Variants in SLC39A8 observed in about 807,000 individuals in gnomAD.
SLC39A8 encodes solute carrier family 39 member 8, also known as metal cation symporter ZIP8.
SLC39A8 carries 15 observed loss-of-function variants against 40.4 expected under a neutral mutation model. The ratio of observed to expected loss-of-function variants is 0.37; its 90% CI spans 0.25 to 0.57. The LOEUF (loss-of-function observed/expected upper bound fraction) is 0.57, where lower values mean the gene tolerates loss of function less well. SLC39A8 is among the 20% of genes least tolerant of loss of function. The pLI, the probability that SLC39A8 is intolerant of heterozygous loss-of-function variation, is 0.75. For missense variants in SLC39A8, 472 were observed against 558.8 expected (o/e 0.84, Z 1.57); for synonymous variants, 223 against 221.6 (o/e 1.01, Z -0.06).
At chr4:102,342,876 G>C (rs1736003425) in intron 2 of SLC39A8, among the ~76,000 whole-genome samples, 1 of 152,172 alleles carries the variant, frequency 6.6e-6, no homozygotes, top group African/African-American at 2.4e-5. Flanking sequence ...GGTCATGCAA[G>C]TCAAAACAAT....
chr4:102,275,937 T>G (rs185666593), intron 6 of SLC39A8, among the ~76,000 whole-genome samples: 12 of 152,232 alleles, frequency 7.9e-5, no homozygotes, highest in South Asian at 2.1e-4. Flanking sequence ...TTGAAACCAA[T>G]GAGAACAAAG....
At chr4:102,278,888 C>T (rs569309763) in intron 6 of SLC39A8, among the ~76,000 whole-genome samples, 1 of 152,036 alleles carries the variant, frequency 6.6e-6, no homozygotes, top group Non-Finnish European at 1.5e-5. Flanking sequence ...AGCAAATTAA[C>T]ACAGGAACAG....
intron 2 of SLC39A8, among the ~76,000 whole-genome samples, chr4:102,331,400 T>A (rs1185113946): frequency 6.6e-6 from 1 of 152,082 alleles, no homozygotes; most frequent in African/African-American, 2.4e-5. Context: ...AAATCGTGAG[T>A]GAACTCCCAT....
chr4:102,291,679 T>TTC (rs55822695), intron 6 of SLC39A8, among the ~76,000 whole-genome samples: 25,355 of 151,812 alleles, frequency 0.17, 2,464 homozygotes, highest in Middle Eastern at 0.23. Flanking sequence ...CTTCTGTTTT[T>TTC]TCTTTGTTAT....
At chr4:102,278,510 G>A (rs1199645973) in intron 6 of SLC39A8, among the ~76,000 whole-genome samples, 5 of 152,190 alleles carry the variant, frequency 3.3e-5, no homozygotes, top group Admixed American at 6.5e-5. Flanking sequence ...CAAGGCTGTG[G>A]AGAAATAGGA....
intron 2 of SLC39A8, among the ~76,000 whole-genome samples, chr4:102,326,105 A>T (rs948511170): frequency 6.6e-6 from 1 of 152,140 alleles, no homozygotes; most frequent in African/African-American, 2.4e-5. Flanking sequence ...CCTACTTCCC[A>T]TCATCTGCTA....
chr4:102,253,153 G>A (rs1177790967), exon 12 of SLC39A8: 11 of 236,860 alleles, frequency 4.6e-5, no homozygotes, highest in East Asian at 2.9e-4. Flanking sequence ...CAAACATGTC[G>A]TTTTTCGGGG....
At chr4:102,270,122 C>A (rs956708594) in intron 6 of SLC39A8, among the ~76,000 whole-genome samples, 15 of 152,186 alleles carry the variant, frequency 9.9e-5, no homozygotes, top group African/African-American at 3.6e-4. Flanking sequence ...TTGTTTTCAT[C>A]TTCCAATCTA....
At chr4:102,259,466 A>C, downstream of SLC39A8, 1 of 1,547,290 alleles carries the variant, frequency 6.5e-7, no homozygotes, top group Non-Finnish European at 8.7e-7. Context: ...GTATATATCC[A>C]AAGTAAATGA....
chr4:102,314,935 G>A (rs1734592984), intron 3 of SLC39A8, among the ~76,000 whole-genome samples: 1 of 151,930 alleles, frequency 6.6e-6, no homozygotes, highest in Non-Finnish European at 1.5e-5. Context: ...AACAATACTT[G>A]GTATGTCGTT....
chr4:102,326,874 A>G (rs1366768716), intron 2 of SLC39A8, among the ~76,000 whole-genome samples: 1 of 151,778 alleles, frequency 6.6e-6, no homozygotes, highest in Non-Finnish European at 1.5e-5. Flanking sequence ...TTATCCTACA[A>G]CTCCACAAGG....
chr4:102,326,729 G>A (rs567353796), intron 2 of SLC39A8, among the ~76,000 whole-genome samples: 22 of 152,012 alleles, frequency 1.4e-4, no homozygotes, highest in African/African-American at 5.3e-4. Context: ...AGAGTACAAG[G>A]GGGTCCTGAG....
At chr4:102,260,676 G>A (rs77464344), downstream of SLC39A8, among the ~76,000 whole-genome samples, 3,505 of 152,232 alleles carry the variant, frequency 0.023, 152 homozygotes, top group African/African-American at 0.08. Context: ...TTTATAAGAA[G>A]GAAAGTAAAC....
chr4:102,327,405 A>T (rs1428131284), intron 2 of SLC39A8, among the ~76,000 whole-genome samples: 4 of 152,144 alleles, frequency 2.6e-5, no homozygotes, highest in Non-Finnish European at 5.9e-5. Context: ...AATCAGCCTT[A>T]TATTGTAACT....
At chr4:102,277,394 T>C (rs1252578931) in intron 6 of SLC39A8, among the ~76,000 whole-genome samples, 1 of 152,144 alleles carries the variant, frequency 6.6e-6, no homozygotes, top group Admixed American at 6.5e-5. Context: ...TCACAATTGC[T>C]ACCAAGAGAA....
intron 2 of SLC39A8, among the ~76,000 whole-genome samples, chr4:102,340,939 T>C (rs1423100947): frequency 6.6e-6 from 1 of 152,062 alleles, no homozygotes; most frequent in African/African-American, 2.4e-5. Context: ...AGTTAAGAAG[T>C]GGTTGAGCAA....
chr4:102,267,976 T>C lies in SLC39A8; in HGVS notation c.944A>G (p.Asn315Ser). Residue 315 changes from asparagine to serine, a missense_variant, in exon 7 of 9, where the codon AAT becomes AGT. Asn to Ser is a conservative substitution (Grantham distance 46, BLOSUM62 1). Around this residue, in one of 4 missense-constraint regions of SLC39A8, gnomAD observed 239 missense variants for 317.9 expected, o/e 0.75. Coordinates refer to ENST00000356736, the MANE Select transcript of SLC39A8 (RefSeq NM_001135146.2). Reference sequence around the variant, plus strand: ...CCCAATCGCCAGGCCATCGATGAAATTGTGGAGGGCATCGCAGAGCGTTAT... The same window carrying C: ...CCCAATCGCCAGGCCATCGATGAAACTGTGGAGGGCATCGCAGAGCGTTAT... ...WMITLCDALHNFIDGLAIGAS... is the reference protein window; with the variant it reads ...WMITLCDALHSFIDGLAIGAS... 6.2e-7 allele frequency: 1 copy of C among 1,614,180 alleles called. No homozygotes were observed. The highest frequency in any genetic ancestry group is 8.5e-7 in the Non-Finnish European group (1 of 1,180,038).
At chr4:102,336,674 A>G (rs1477895738) in intron 2 of SLC39A8, among the ~76,000 whole-genome samples, 2 of 152,204 alleles carry the variant, frequency 1.3e-5, no homozygotes, top group Non-Finnish European at 2.9e-5. Flanking sequence ...ACTTCAGGCC[A>G]GGAAAAACAA....
chr4:102,344,958 A>T, intron 1 of SLC39A8, 43 bp from the exon 2 acceptor site: 1 of 1,149,536 alleles, frequency 8.7e-7, no homozygotes. Context: ...AAAGGCCACC[A>T]GGGCACCAGC....
Sources: allele counts gnomAD v4.1 joint callset (sites outside exome capture counted in the v4.1 genomes callset), GRCh38; gene constraint gnomAD v4.1.1; regional missense constraint gnomAD v4.1.1; transcripts MANE v1.5; gene names NCBI Gene and HGNC (gene_info 2026-07-23, HGNC 2026-07-21).